ITGA9: variants seen among roughly 807,000 people sequenced by gnomAD.
ITGA9 encodes the protein integrin alpha-9.
ITGA9 carries 56 observed loss-of-function variants against 127.8 expected under a neutral mutation model. The observed-to-expected ratio is 0.44, with a 90% confidence interval of 0.35 to 0.55. The LOEUF is 0.55. ITGA9 is among the 20% of genes least tolerant of loss of function. ITGA9 has a pLI of 0.00. For missense variants in ITGA9, 1,196 were observed against 1,347.1 expected (o/e 0.89, Z 1.76); for synonymous variants, 508 against 514.5 (o/e 0.99, Z 0.17).
chr3:37,668,285 C>T (rs892875158), intron 17 of ITGA9, among the ~76,000 whole-genome samples: 2 of 152,188 alleles, frequency 1.3e-5, no homozygotes, highest in Non-Finnish European at 1.5e-5. Context: ...AGCGGCCTTC[C>T]TCCTGAGACA....
chr3:37,601,666 T>C (rs6550488), intron 15 of ITGA9, among the ~76,000 whole-genome samples: 1 of 152,086 alleles, frequency 6.6e-6, no homozygotes, highest in Non-Finnish European at 1.5e-5. Context: ...GCAGTATTAG[T>C]CTTTATCTCT....
At chr3:37,592,144 C>T (rs1033100670) in intron 15 of ITGA9, among the ~76,000 whole-genome samples, 1 of 152,194 alleles carries the variant, frequency 6.6e-6, no homozygotes, top group Non-Finnish European at 1.5e-5. Flanking sequence ...TCTCCCTTTA[C>T]ACCAGTTTTT....
At chr3:37,634,367 T>G (rs1216887793) in intron 16 of ITGA9, among the ~76,000 whole-genome samples, 1 of 148,504 alleles carries the variant, frequency 6.7e-6, no homozygotes, top group Non-Finnish European at 1.5e-5. Context: ...TATAAGAGAC[T>G]CACTTCACCT....
chr3:37,650,225 G>A (rs774281953), intron 16 of ITGA9, among the ~76,000 whole-genome samples: 14 of 152,106 alleles, frequency 9.2e-5, no homozygotes, highest in Non-Finnish European at 2.1e-4. Flanking sequence ...GTCACATAGT[G>A]TCACTTCCAC....
intron 7 of ITGA9, among the ~76,000 whole-genome samples, chr3:37,506,757 A>C (rs1268941536): frequency 6.6e-6 from 1 of 152,214 alleles, no homozygotes; most frequent in Admixed American, 6.5e-5. Context: ...TTGAGTAGGT[A>C]CAGATGGATC....
At chr3:37,707,928 C>G (rs1016477856) in intron 18 of ITGA9, among the ~76,000 whole-genome samples, 1 of 152,164 alleles carries the variant, frequency 6.6e-6, no homozygotes, top group Admixed American at 6.5e-5. Flanking sequence ...TCATGGCTAC[C>G]CCTTCCCGAG....
At chr3:37,599,882 G>A (rs905307810) in intron 15 of ITGA9, among the ~76,000 whole-genome samples, 2 of 152,184 alleles carry the variant, frequency 1.3e-5, no homozygotes, top group African/African-American at 2.4e-5. Flanking sequence ...TGTAGTCTCT[G>A]TAGGTTTACC....
intron 27 of ITGA9, 79 bp downstream of exon 27, chr3:37,804,021 AG>A: frequency 6.2e-7 from 1 of 1,604,494 alleles, no homozygotes; most frequent in Middle Eastern, 1.7e-4. Context: ...GGGAAGAAGG[AG>A]TATCCTGTTA....
Position 37,523,504 on chromosome 3 carries a change from C to T in ITGA9, c.1237-17C>T. 1.3e-6 allele frequency: 2 copies of T among 1,599,914 alleles called. No individual in the cohort carries two copies. The highest frequency in any genetic ancestry group is 1.7e-6 in the Non-Finnish European group (2 of 1,167,224). On this transcript the variant is annotated splice_polypyrimidine_tract_variant and intron_variant, in intron 11 of 27. Coordinates refer to ENST00000264741, the MANE Select transcript of ITGA9 (RefSeq NM_002207.3). ...TGGTCTTTTCCTGTGACTCCATTTC[C>T]CTATTATCTGTTTCAGAAACTGTCT...
intron 23 of ITGA9, among the ~76,000 whole-genome samples, chr3:37,756,497 G>T (rs553438022): frequency 6.6e-6 from 1 of 152,262 alleles, no homozygotes; most frequent in African/African-American, 2.4e-5. Flanking sequence ...TTTATATAGA[G>T]ACCAAGACAG....
chr3:37,763,288 G>C (rs1200626157), intron 23 of ITGA9, among the ~76,000 whole-genome samples: 1 of 152,226 alleles, frequency 6.6e-6, no homozygotes, highest in African/African-American at 2.4e-5. Context: ...CAGTTTCACG[G>C]AGACCTTTAT....
intron 15 of ITGA9, among the ~76,000 whole-genome samples, chr3:37,624,303 C>T (rs1175137600): frequency 7.3e-6 from 1 of 136,852 alleles, no homozygotes; most frequent in Non-Finnish European, 1.5e-5. Context: ...GTCCAGCTTT[C>T]TTCGGGTCAT....
At chr3:37,732,865 C>T (rs1173060879) in intron 19 of ITGA9, 67 bp downstream of exon 19, 41 of 1,255,142 alleles carry the variant, frequency 3.3e-5, no homozygotes, top group Admixed American at 9.8e-5. Context: ...CCACTGATTC[C>T]GCCGCCTCCC....
intron 26 of ITGA9, among the ~76,000 whole-genome samples, chr3:37,795,861 T>G (rs1300488953): frequency 6.6e-6 from 1 of 152,124 alleles, no homozygotes; most frequent in African/African-American, 2.4e-5. Context: ...CACGGGGGCT[T>G]TTTCCTTGTA....
chr3:37,818,191 T>TTAAAAAAAAAAAAAAAAAAAA (rs1553674108), intron 27 of ITGA9: 5 of 31,970 alleles, frequency 1.6e-4, no homozygotes, highest in African/African-American at 4.7e-4. Context: ...TAAGACTCTC[T>TTAAAAAAAAAAAAAAAAAAAA]AAAAAAAAAA....
At chr3:37,798,100 C>T (rs1435960501) in intron 26 of ITGA9, among the ~76,000 whole-genome samples, 2 of 152,200 alleles carry the variant, frequency 1.3e-5, no homozygotes, top group African/African-American at 4.8e-5. Flanking sequence ...AAATGATCCT[C>T]CTGCCTCAGC....
chr3:37,507,287 T>C (rs1396972331), intron 7 of ITGA9, among the ~76,000 whole-genome samples: 1 of 152,226 alleles, frequency 6.6e-6, no homozygotes, highest in Non-Finnish European at 1.5e-5. Context: ...TTCACATTGA[T>C]GTTGTCTTCT....
At chr3:37,677,620 A>G (rs540685893) in intron 17 of ITGA9, among the ~76,000 whole-genome samples, 2 of 152,234 alleles carry the variant, frequency 1.3e-5, no homozygotes, top group African/African-American at 4.8e-5. Context: ...GCATTTTTAT[A>G]TGCTTTAGGA....
rs147783838 is a variant in ITGA9 at position 37,520,095 on chromosome 3, C to T, written c.1236+741C>T. Among the ~76,000 whole-genome samples the T allele has an allele frequency of 1.2e-3, 182 of 152,280 alleles. 1 individual carries two copies. Among genetic ancestry groups the T allele is most frequent in the Non-Finnish European group, 2.2e-3 (153 of 68,018 alleles). On this transcript the variant is annotated intron_variant, in intron 11 of 27. Coordinates refer to ENST00000264741, the MANE Select transcript of ITGA9 (RefSeq NM_002207.3). ...TACTACATGCTGACTACTTCCTACT[C>T]ATATGTATTTGTATTTTAATTTTAA...
Sources: allele counts gnomAD v4.1 joint callset (sites outside exome capture counted in the v4.1 genomes callset), GRCh38; gene constraint gnomAD v4.1.1; transcripts MANE v1.5; gene names NCBI Gene and HGNC (gene_info 2026-07-23, HGNC 2026-07-21).